Variants in SNTG1 observed in about 807,000 individuals in gnomAD.
SNTG1 encodes gamma-1-syntrophin.
A neutral mutation model predicts 74.7 loss-of-function variants in SNTG1; 39 were observed. That is an observed-to-expected ratio of 0.52 (90% CI 0.40 to 0.68). The LOEUF (loss-of-function observed/expected upper bound fraction) is 0.68, where lower values mean the gene tolerates loss of function less well. Ranked by LOEUF, SNTG1 falls within the 30% of genes least tolerant of loss-of-function variation. The probability of loss-of-function intolerance (pLI) is 0.00; values close to 1 mark genes in which losing one functional copy is unlikely to be tolerated. For synonymous variants in SNTG1, 254 were observed against 217.1 expected, an observed-to-expected ratio of 1.17 and a Z score of -1.49; for missense variants, 685 against 609.5, an observed-to-expected ratio of 1.12 and a Z score of -1.30.
At chr8:50,296,308 G>A (rs548743981) in intron 2 of SNTG1, among the ~76,000 whole-genome samples, 3 of 152,244 alleles carry the variant, frequency 2.0e-5, no homozygotes, top group African/African-American at 7.2e-5. Context: ...AAAGACACAT[G>A]CACATATACT....
chr8:50,629,099 A>T (rs781509550), intron 13 of SNTG1, among the ~76,000 whole-genome samples: 1 of 152,058 alleles, frequency 6.6e-6, no homozygotes, highest in Admixed American at 6.6e-5. Flanking sequence ...GATGTTGATC[A>T]AAGGGTATAA....
intron 13 of SNTG1, among the ~76,000 whole-genome samples, chr8:50,613,179 T>A (rs889830708): frequency 5.3e-5 from 8 of 152,190 alleles, no homozygotes; most frequent in Admixed American, 5.2e-4. Context: ...TTCAAATCAA[T>A]GTTTTCTGCA....
intron 9 of SNTG1, among the ~76,000 whole-genome samples, chr8:50,508,791 T>C (rs4332149): frequency 0.27 from 41,789 of 152,042 alleles, 7,332 homozygotes; most frequent in African/African-American, 0.5. Flanking sequence ...TGTAAATTTG[T>C]TTGAGTTCAT....
intron 2 of SNTG1, among the ~76,000 whole-genome samples, chr8:50,326,315 G>T (rs185873272): frequency 6.6e-6 from 1 of 151,974 alleles, no homozygotes; most frequent in African/African-American, 2.4e-5. Context: ...TTTGGTAGAA[G>T]CGTTTTGCTT....
At chr8:50,209,437 G>A (rs1038197786) in intron 2 of SNTG1, among the ~76,000 whole-genome samples, 2 of 152,186 alleles carry the variant, frequency 1.3e-5, no homozygotes, top group African/African-American at 4.8e-5. Context: ...GTGGGTCCCT[G>A]ACCTCTGAGT....
intron 17 of SNTG1, among the ~76,000 whole-genome samples, chr8:50,726,977 T>C (rs3999808): frequency 0.56 from 85,851 of 152,148 alleles, 26,412 homozygotes; most frequent in Non-Finnish European, 0.68. Flanking sequence ...TGAAAGATGT[T>C]ATGTAGCAGA....
intron 15 of SNTG1, among the ~76,000 whole-genome samples, chr8:50,670,244 G>A (rs967707677): frequency 6.6e-5 from 10 of 152,164 alleles, no homozygotes; most frequent in Non-Finnish European, 1.5e-4. Context: ...AAAAGAAGAA[G>A]TCAAATTGTC....
At chr8:50,007,872 A>G (rs959005936) in intron 1 of SNTG1, among the ~76,000 whole-genome samples, 3 of 152,290 alleles carry the variant, frequency 2.0e-5, no homozygotes, top group African/African-American at 7.2e-5. Flanking sequence ...ACCTCAGGAA[A>G]CTTACAATCA....
chr8:50,140,914 T>C (rs1386934517), intron 1 of SNTG1, among the ~76,000 whole-genome samples: 3 of 152,182 alleles, frequency 2.0e-5, no homozygotes, highest in South Asian at 4.1e-4. Context: ...GGAGCAACCA[T>C]CTAAGCTCTT....
chr8:50,530,069 C>G (rs1271061243), intron 9 of SNTG1, 108 bp from the exon 10 acceptor site: 15 of 896,524 alleles, frequency 1.7e-5, no homozygotes, highest in Non-Finnish European at 2.6e-5. Context: ...ATTGTAATAT[C>G]TGATTTACTT....
At chr8:50,107,617 C>T (rs1006904851) in intron 1 of SNTG1, among the ~76,000 whole-genome samples, 2 of 151,688 alleles carry the variant, frequency 1.3e-5, no homozygotes, top group African/African-American at 4.8e-5. Flanking sequence ...GTGGCATGAT[C>T]TTGGCTCACT....
At chr8:50,216,486 T>A (rs1586727368) in intron 2 of SNTG1, among the ~76,000 whole-genome samples, 4 of 152,284 alleles carry the variant, frequency 2.6e-5, no homozygotes, top group Non-Finnish European at 5.9e-5. Context: ...CATAAATTTA[T>A]ACTGTTAAGA....
chr8:50,210,991 A>T (rs1361144526), intron 2 of SNTG1, among the ~76,000 whole-genome samples: 1 of 152,150 alleles, frequency 6.6e-6, no homozygotes, highest in Non-Finnish European at 1.5e-5. Flanking sequence ...AGTGTAATTT[A>T]TGCATTGGTA....
chr8:49,916,587 G>T (rs114677373), intron 1 of SNTG1, among the ~76,000 whole-genome samples: 1,937 of 151,952 alleles, frequency 0.013, 44 homozygotes, highest in African/African-American at 0.043. Context: ...TCACAATTTC[G>T]GTCTAAGATT....
At chr8:50,470,716 C>T (rs536794349) in intron 8 of SNTG1, among the ~76,000 whole-genome samples, 2 of 152,234 alleles carry the variant, frequency 1.3e-5, no homozygotes, top group South Asian at 4.1e-4. Flanking sequence ...AAGCTGTAGA[C>T]CTTCGCTGTG....
chr8:50,317,847 T>C (rs2090369463), intron 2 of SNTG1, among the ~76,000 whole-genome samples: 1 of 152,094 alleles, frequency 6.6e-6, no homozygotes, highest in African/African-American at 2.4e-5. Flanking sequence ...TTTTTGTTTG[T>C]TTGTTTTGAG....
At chr8:50,249,745 A>G (rs2086563672) in intron 2 of SNTG1, among the ~76,000 whole-genome samples, 1 of 152,208 alleles carries the variant, frequency 6.6e-6, no homozygotes. Context: ...CACAGAGAAC[A>G]TGCTACTGAG....
At chr8:50,121,180 C>A (rs1235097167) in intron 1 of SNTG1, among the ~76,000 whole-genome samples, 1 of 142,458 alleles carries the variant, frequency 7.0e-6, no homozygotes. Flanking sequence ...CTGAATATAA[C>A]AACAGCATTG....
At chr8:50,147,640 G>A (rs1276996387) in intron 1 of SNTG1, among the ~76,000 whole-genome samples, 6 of 152,176 alleles carry the variant, frequency 3.9e-5, no homozygotes, top group Non-Finnish European at 7.4e-5. Flanking sequence ...AATAAGCCAG[G>A]AGGGATGGTG....
Sources: allele counts gnomAD v4.1 joint callset (sites outside exome capture counted in the v4.1 genomes callset), GRCh38; gene constraint gnomAD v4.1.1; transcripts MANE v1.5; gene names NCBI Gene and HGNC (gene_info 2026-07-23, HGNC 2026-07-21).